KCNH1: variants seen among roughly 807,000 people sequenced by gnomAD.
The protein encoded by KCNH1 is potassium voltage-gated channel subfamily H member 1.
Under a neutral mutation model 69.2 loss-of-function variants are expected in KCNH1, and 27 were observed. The ratio of observed to expected loss-of-function variants is 0.39; its 90% CI spans 0.29 to 0.54. The LOEUF is 0.54. KCNH1 is among the 20% of genes least tolerant of loss of function. The pLI, the probability that KCNH1 is intolerant of heterozygous loss-of-function variation, is 0.68. For synonymous variants in KCNH1, 456 were observed against 487.7 expected, an observed-to-expected ratio of 0.93 and a Z score of 0.86; for missense variants, 798 against 1,261.6, an observed-to-expected ratio of 0.63 and a Z score of 5.57.
At chr1:211,065,784 G>T (rs1345728637) in intron 5 of KCNH1, among the ~76,000 whole-genome samples, 3 of 151,982 alleles carry the variant, frequency 2.0e-5, no homozygotes, top group Non-Finnish European at 4.4e-5. Flanking sequence ...TTAAGGCCAG[G>T]TACAGTGGCT....
chr1:210,834,575 C>G, intron 7 of KCNH1, among the ~76,000 whole-genome samples: 1 of 147,558 alleles, frequency 6.8e-6, no homozygotes, highest in Middle Eastern at 3.2e-3. Context: ...GGGAGATATA[C>G]CTAATGCTAG....
intron 7 of KCNH1, among the ~76,000 whole-genome samples, chr1:210,895,028 A>C (rs183315718): frequency 2.6e-4 from 40 of 152,298 alleles, no homozygotes; most frequent in Admixed American, 1.5e-3. Context: ...CAAGGCAGTA[A>C]ACTGGGGTAA....
rs1477245607 is a variant in KCNH1 at position 210,912,298 on chromosome 1, G to C, written c.1462+7342C>G. On this transcript the variant is annotated intron_variant, in intron 7 of 10. Transcript: ENST00000271751. ...GTCCTGTCCCGTGAAGATCCTGCCA[G>C]TCAAGCCTGAACAGTGAAGCCTGGG... Among the ~76,000 whole-genome samples the C allele has an allele frequency of 2.6e-5, 4 of 152,168 alleles. No individual in the cohort carries two copies. The East Asian group carries it at 7.7e-4, about 29-fold the overall frequency.
At chr1:210,805,379 AATC>A (rs2102408133) in intron 7 of KCNH1, among the ~76,000 whole-genome samples, 1 of 152,308 alleles carries the variant, frequency 6.6e-6, no homozygotes, top group South Asian at 2.1e-4. Flanking sequence ...ACACCAATAA[AATC>A]ATCACCACTA....
At chr1:210,861,587 T>C in intron 7 of KCNH1, 1 of 772,138 alleles carries the variant, frequency 1.3e-6, no homozygotes, top group Non-Finnish European at 2.4e-6. Flanking sequence ...TGTCAGGTTC[T>C]GTTGGTTTAT....
intron 10 of KCNH1, among the ~76,000 whole-genome samples, chr1:210,724,140 T>C (rs958481932): frequency 1.3e-5 from 2 of 152,210 alleles, no homozygotes; most frequent in Non-Finnish European, 2.9e-5. Flanking sequence ...ATTCCCAATT[T>C]TCAGGCAAGA....
At chr1:211,012,949 G>C (rs1244438705) in intron 6 of KCNH1, among the ~76,000 whole-genome samples, 1 of 152,084 alleles carries the variant, frequency 6.6e-6, no homozygotes, top group Non-Finnish European at 1.5e-5. Context: ...CAGCTCTAAA[G>C]AATAAAGTCT....
At chr1:210,896,117 CT>C (rs1169232808) in intron 7 of KCNH1, among the ~76,000 whole-genome samples, 1 of 152,160 alleles carries the variant, frequency 6.6e-6, no homozygotes, top group Admixed American at 6.5e-5. Context: ...CCTCCCCATT[CT>C]TGGATGTTAG....
intron 10 of KCNH1, among the ~76,000 whole-genome samples, chr1:210,730,555 T>A (rs574731641): frequency 6.7e-6 from 1 of 149,936 alleles, no homozygotes; most frequent in South Asian, 2.1e-4. Context: ...TAATTACTGA[T>A]GAAACGTGCC....
At chr1:210,913,591 A>G (rs1687278258) in intron 7 of KCNH1, among the ~76,000 whole-genome samples, 1 of 152,192 alleles carries the variant, frequency 6.6e-6, no homozygotes, top group Admixed American at 6.5e-5. Flanking sequence ...CAAACCACAG[A>G]GCATATCTAA....
intron 3 of KCNH1, among the ~76,000 whole-genome samples, chr1:211,091,287 T>G (rs1451258254): frequency 1.3e-5 from 2 of 152,118 alleles, no homozygotes; most frequent in African/African-American, 4.8e-5. Flanking sequence ...GTGCAAGTGA[T>G]TCTCCCGCCT....
chr1:210,942,348 C>T (rs1313133597), intron 6 of KCNH1, among the ~76,000 whole-genome samples: 1 of 152,100 alleles, frequency 6.6e-6, no homozygotes, highest in Non-Finnish European at 1.5e-5. Context: ...CCCCCTGTGA[C>T]CCCAGTAGGT....
chr1:210,835,278 T>C (rs747120077), intron 7 of KCNH1, among the ~76,000 whole-genome samples: 1 of 122,354 alleles, frequency 8.2e-6, no homozygotes, highest in African/African-American at 3.6e-5. Flanking sequence ...GTTCAGTCTC[T>C]TATTTTGTGA....
chr1:210,898,765 CA>C (rs1188697231), intron 7 of KCNH1, among the ~76,000 whole-genome samples: 3 of 152,124 alleles, frequency 2.0e-5, no homozygotes, highest in Non-Finnish European at 4.4e-5. Context: ...TAAGCGACTC[CA>C]AAATGCTCTT....
At chr1:211,080,422 C>A (rs964165296) in intron 5 of KCNH1, among the ~76,000 whole-genome samples, 1 of 152,150 alleles carries the variant, frequency 6.6e-6, no homozygotes, top group Non-Finnish European at 1.5e-5. Context: ...CAATGCCATC[C>A]CCATCAAGCT....
chr1:210,846,976 A>G (rs1417189204), intron 7 of KCNH1, among the ~76,000 whole-genome samples: 1 of 152,250 alleles, frequency 6.6e-6, no homozygotes, highest in East Asian at 1.9e-4. Flanking sequence ...AACACGTGAA[A>G]AAATGCTCAC....
At chr1:210,990,412 C>T (rs1012383774) in intron 6 of KCNH1, among the ~76,000 whole-genome samples, 3 of 152,104 alleles carry the variant, frequency 2.0e-5, no homozygotes, top group Admixed American at 2.0e-4. Flanking sequence ...ACTCATGTTA[C>T]CCAGTGTTAT....
At chr1:211,047,864 A>G (rs1361737781) in intron 5 of KCNH1, among the ~76,000 whole-genome samples, 1 of 152,228 alleles carries the variant, frequency 6.6e-6, no homozygotes, top group Non-Finnish European at 1.5e-5. Flanking sequence ...GCAAGGAAAA[A>G]AAAAATCCTA....
At chr1:210,692,692 G>T (rs1454712138) in intron 10 of KCNH1, among the ~76,000 whole-genome samples, 2 of 152,162 alleles carry the variant, frequency 1.3e-5, no homozygotes, top group Non-Finnish European at 2.9e-5. Flanking sequence ...CACAGAGAAA[G>T]GCCATGGGGA....
Sources: allele counts gnomAD v4.1 joint callset (sites outside exome capture counted in the v4.1 genomes callset), GRCh38; gene constraint gnomAD v4.1.1; transcripts MANE v1.5; gene names NCBI Gene and HGNC (gene_info 2026-07-23, HGNC 2026-07-21).